Variants in NOL4 observed in about 807,000 individuals in gnomAD.
The protein encoded by NOL4 is nucleolar protein 4, also known as cancer/testis antigen 125.
Under a neutral mutation model 75.9 loss-of-function variants are expected in NOL4, and 17 were observed. The ratio of observed to expected loss-of-function variants is 0.22; its 90% confidence interval spans 0.15 to 0.34. The LOEUF (loss-of-function observed/expected upper bound fraction) is 0.34, where lower values mean the gene tolerates loss of function less well. NOL4 is among the 10% of genes least tolerant of loss of function. The pLI is 1.00. For missense variants in NOL4, 614 were observed against 793.5 expected, an observed-to-expected ratio of 0.77 and a Z score of 2.72; for synonymous variants, 292 against 289.9, an observed-to-expected ratio of 1.01 and a Z score of -0.07.
chr18:33,915,687 T>C (rs2066678543), intron 9 of NOL4, among the ~76,000 whole-genome samples: 1 of 152,180 alleles, frequency 6.6e-6, no homozygotes, highest in African/African-American at 2.4e-5. Flanking sequence ...AAAGAGGAGA[T>C]ACTTATTTTG....
intron 1 of NOL4, among the ~76,000 whole-genome samples, chr18:34,180,125 C>T (rs1392516021): frequency 6.6e-6 from 1 of 151,496 alleles, no homozygotes; most frequent in Non-Finnish European, 1.5e-5. Flanking sequence ...GAAACACTTA[C>T]CAATGCATTC....
chr18:33,928,931 T>C (rs2067509553), intron 9 of NOL4, among the ~76,000 whole-genome samples: 1 of 152,214 alleles, frequency 6.6e-6, no homozygotes, highest in African/African-American at 2.4e-5. Context: ...GATTATTTTG[T>C]AGCAGTTAAT....
chr18:33,916,325 A>C (rs894158085), intron 9 of NOL4, among the ~76,000 whole-genome samples: 13 of 152,104 alleles, frequency 8.5e-5, no homozygotes, highest in African/African-American at 3.1e-4. Context: ...ATATTTATTA[A>C]ATTGAATTGA....
chr18:34,095,419 G>C (rs1174965719), intron 4 of NOL4, among the ~76,000 whole-genome samples: 2 of 151,994 alleles, frequency 1.3e-5, no homozygotes, highest in East Asian at 3.9e-4. Flanking sequence ...ATATCTATTA[G>C]ATACACTATA....
intron 10 of NOL4, among the ~76,000 whole-genome samples, chr18:33,858,378 T>C (rs1599642366): frequency 6.6e-6 from 1 of 151,916 alleles, no homozygotes; most frequent in East Asian, 1.9e-4. Flanking sequence ...TGTAGTTCTT[T>C]TGCCAAAGAG....
At chr18:34,057,950 T>G (rs1031328141) in intron 5 of NOL4, among the ~76,000 whole-genome samples, 1 of 152,220 alleles carries the variant, frequency 6.6e-6, no homozygotes, top group Non-Finnish European at 1.5e-5. Flanking sequence ...ACTTTTTTGC[T>G]TATTGATTTC....
At chr18:34,076,335 G>A (rs1199814572) in intron 5 of NOL4, among the ~76,000 whole-genome samples, 1 of 152,030 alleles carries the variant, frequency 6.6e-6, no homozygotes, top group Non-Finnish European at 1.5e-5. Flanking sequence ...CATACGGAGC[G>A]GCCAGGAGGA....
chr18:33,852,292 T>C lies in NOL4; in HGVS notation c.*550A>G, dbSNP rs1469418371. 1 of 152,462 alleles carries C rather than the reference T, an allele frequency of 6.6e-6. No individual in the cohort carries two copies. Among genetic ancestry groups the C allele is most frequent in the African/African-American group, 2.4e-5 (1 of 41,412 alleles). The allele number at this position is 152,462 out of a possible 1,614,324, so 9.4% of individuals were successfully genotyped here. On this transcript the variant is annotated 3_prime_UTR_variant, in exon 11 of 11. Coordinates refer to ENST00000261592, the MANE Select transcript of NOL4 (RefSeq NM_003787.5). The stretch of plus-strand genomic sequence containing the variant: ...CAAAACAGTTTTCTTTTAGGACCTA[T>C]GAAAAAGTTACCAAAGTAAAAATGA...
intron 1 of NOL4, among the ~76,000 whole-genome samples, chr18:34,141,720 C>T (rs1371131217): frequency 1.3e-5 from 2 of 152,086 alleles, no homozygotes; most frequent in Non-Finnish European, 2.9e-5. Flanking sequence ...GACCTAAAAC[C>T]ATGAAAACCT....
intron 6 of NOL4, among the ~76,000 whole-genome samples, chr18:33,974,252 C>CCAGGCAT: frequency 6.6e-6 from 1 of 152,156 alleles, no homozygotes; most frequent in African/African-American, 2.4e-5. Context: ...TTGAAGCTTT[C>CCAGGCAT]TCACCTCTCC....
At chr18:34,089,987 A>G (rs1600545531) in intron 5 of NOL4, among the ~76,000 whole-genome samples, 1 of 152,298 alleles carries the variant, frequency 6.6e-6, no homozygotes, top group East Asian at 1.9e-4. Context: ...AAGCTCTAAA[A>G]GAAAGGTAAT....
At chr18:34,008,765 A>G (rs993953320) in intron 6 of NOL4, among the ~76,000 whole-genome samples, 1 of 151,936 alleles carries the variant, frequency 6.6e-6, no homozygotes, top group African/African-American at 2.4e-5. Flanking sequence ...GAGAGGTAAA[A>G]TTGCCTACAC....
chr18:34,190,032 ATTAT>A lies in NOL4; in HGVS notation c.264+32954_264+32957del, dbSNP rs538850216. Among the ~76,000 whole-genome samples the A allele has an allele frequency of 2.0e-4, 29 of 148,402 alleles. No individual in the cohort carries two copies. In the East Asian group the frequency reaches 4.1e-3, roughly 21 times the overall value. On this transcript the variant is annotated intron_variant, in intron 1 of 10. Coordinates refer to ENST00000261592, the MANE Select transcript of NOL4 (RefSeq NM_003787.5). ...ATATAGCTTGTTATATATATAACAT[ATTAT>A]TTTATATATATTACTTATTTTATAT...
At chr18:34,174,509 A>G (rs1403378425) in intron 1 of NOL4, among the ~76,000 whole-genome samples, 1 of 152,100 alleles carries the variant, frequency 6.6e-6, no homozygotes, top group African/African-American at 2.4e-5. Context: ...GCCTTGAAAA[A>G]TAATGGTCCA....
At chr18:33,998,233 C>G (rs2073433637) in intron 6 of NOL4, among the ~76,000 whole-genome samples, 1 of 151,960 alleles carries the variant, frequency 6.6e-6, no homozygotes, top group South Asian at 2.1e-4. Context: ...ATACTAAGAA[C>G]CACTGAAATG....
rs1469924657 is a variant in NOL4 at position 34,189,786 on chromosome 18, A to AT, written c.264+33203dup. ...GAGTCCTCATTTGCAAAATAAATAC[A>AT]TATTTTTTAATTCCCATAAGGCTGA... On this transcript the variant is annotated intron_variant, in intron 1 of 10. Coordinates refer to ENST00000261592, the MANE Select transcript of NOL4 (RefSeq NM_003787.5). Among the ~76,000 whole-genome samples, 3 of 152,032 alleles carry AT rather than the reference A, an allele frequency of 2.0e-5. No individual in the cohort carries two copies. The East Asian group carries it at 5.8e-4, about 29-fold the overall frequency.
intron 1 of NOL4, among the ~76,000 whole-genome samples, chr18:34,212,595 CT>C (rs2036588596): frequency 6.6e-6 from 1 of 152,176 alleles, no homozygotes; most frequent in African/African-American, 2.4e-5. Flanking sequence ...ACTGGGTCCT[CT>C]GCTCAGGTTC....
At chr18:34,140,227 A>G (rs986120853) in intron 1 of NOL4, among the ~76,000 whole-genome samples, 5 of 152,082 alleles carry the variant, frequency 3.3e-5, no homozygotes, top group Admixed American at 6.6e-5. Flanking sequence ...CGATTCCTGG[A>G]TATCCTTGTT....
At chr18:34,193,608 G>GA (rs33999659) in intron 1 of NOL4, among the ~76,000 whole-genome samples, 4 of 150,868 alleles carry the variant, frequency 2.7e-5, no homozygotes, top group East Asian at 3.9e-4. Flanking sequence ...AGATGTGGAG[G>GA]AAAAAAAAAC....
Sources: allele counts gnomAD v4.1 joint callset (sites outside exome capture counted in the v4.1 genomes callset), GRCh38; gene constraint gnomAD v4.1.1; transcripts MANE v1.5; gene names NCBI Gene and HGNC (gene_info 2026-07-23, HGNC 2026-07-21).